Variants in ZNF479 observed in about 807,000 individuals in gnomAD.
ZNF479 encodes KRAB zinc finger protein KR19.
In ZNF479, 15 loss-of-function variants were observed where a neutral mutation model predicts 14.7. The observed-to-expected ratio is 1.02, with a 90% CI of 0.68 to 1.57. The LOEUF is 1.57. Ranked by LOEUF, ZNF479 falls within the 40% of genes most tolerant of loss-of-function variation. The pLI, the probability that ZNF479 is intolerant of heterozygous loss-of-function variation, is 0.00. For missense variants in ZNF479, 506 were observed against 615.1 expected (o/e 0.82, Z 1.88); for synonymous variants, 145 against 211.5 (o/e 0.69, Z 2.73).
At position 57,129,154 on chromosome 7, in the gene ZNF479, T is replaced by G. The variant is rs527997833; in HGVS notation, c.40-2436A>C. Among the ~76,000 whole-genome samples, 5 of 152,302 alleles carry G rather than the reference T, an allele frequency of 3.3e-5. 1 individual carries two copies. Among genetic ancestry groups the G allele is most frequent in the African/African-American group, 1.2e-4 (5 of 41,572 alleles). The stretch of plus-strand genomic sequence containing the variant: ...CCCTATCAGAAACCAACAATTTTCT[T>G]TACAGTAATGGGAGCATGAACCGCA... On this transcript the variant is annotated intron_variant, in intron 1 of 3. Coordinates refer to ENST00000319636, the MANE Select transcript of ZNF479 (RefSeq NM_001370129.2).
intron 1 of ZNF479, among the ~76,000 whole-genome samples, chr7:57,129,453 A>C (rs539628029): frequency 6.6e-6 from 1 of 152,144 alleles, no homozygotes; most frequent in Non-Finnish European, 1.5e-5. Flanking sequence ...CCTTACACAC[A>C]CCACATTTGT....
chr7:57,123,831 A>T (rs1349485800), intron 3 of ZNF479, among the ~76,000 whole-genome samples: 1 of 152,082 alleles, frequency 6.6e-6, no homozygotes, highest in Non-Finnish European at 1.5e-5. Context: ...AGAAAATCTG[A>T]GTCAAAAAAA....
upstream of ZNF479, among the ~76,000 whole-genome samples, chr7:57,136,916 C>G (rs1786675820): frequency 6.6e-6 from 1 of 151,976 alleles, no homozygotes; most frequent in Non-Finnish European, 1.5e-5. Context: ...CCTTCATAAC[C>G]TTAATTAAAG....
rs1785854425 is a variant in ZNF479 at position 57,120,248 on chromosome 7, G to T, written c.1167C>A (p.Asp389Glu). 5.0e-6 allele frequency: 8 copies of T among 1,612,300 alleles called. No individual in the cohort carries two copies. The Admixed American group carries it at 8.4e-5, about 17-fold the overall frequency. The change falls in exon 4 of 4, where the codon GAC (aspartate) becomes GAA (glutamate). Residue 389 changes from aspartate to glutamate, a missense_variant. Transcript: ENST00000319636. Reference sequence around the variant, plus strand: ...TAGTAAGTGCTGAGGAGCGCCTAAAGTCTTGGCCACATTCTTCACATGTGT... The same window carrying T: ...TAGTAAGTGCTGAGGAGCGCCTAAATTCTTGGCCACATTCTTCACATGTGT... ...KPYTCEECGQ[D>E]FRRSSALTIH...
At chr7:57,122,401 A>C (rs1785993065) in intron 3 of ZNF479, among the ~76,000 whole-genome samples, 1 of 150,902 alleles carries the variant, frequency 6.6e-6, no homozygotes, top group Admixed American at 6.7e-5. Flanking sequence ...AGGTCTTTCC[A>C]CTTAAAATAA....
intron 3 of ZNF479, among the ~76,000 whole-genome samples, chr7:57,124,800 T>C (rs1786085558): frequency 6.6e-6 from 1 of 152,090 alleles, no homozygotes; most frequent in African/African-American, 2.4e-5. Flanking sequence ...ATGAGCCAGG[T>C]GCGGTGGCTC....
chr7:57,133,511 A>G (rs1303067287), upstream of ZNF479, among the ~76,000 whole-genome samples: 1 of 152,212 alleles, frequency 6.6e-6, no homozygotes. Flanking sequence ...AATCCTCTGC[A>G]GTAAAATATA....
upstream of ZNF479, among the ~76,000 whole-genome samples, chr7:57,136,944 A>G (rs1337329218): frequency 6.6e-6 from 1 of 151,926 alleles, no homozygotes; most frequent in Non-Finnish European, 1.5e-5. Flanking sequence ...GTTTCAGGAG[A>G]TGGAGGTTGC....
At chr7:57,132,176 C>A in intron 1 of ZNF479, 110 bp downstream of exon 1, 1 of 1,592,182 alleles carries the variant, frequency 6.3e-7, no homozygotes, top group South Asian at 1.1e-5. Context: ...GGATTTGGGT[C>A]GGCAGGCCCT....
At position 57,120,302 on chromosome 7, in the gene ZNF479, A is replaced by G; in HGVS notation, c.1113T>C (p.His371=). ...AFSLSSNLMR[H]RRIHTGEKPY... The stretch of plus-strand genomic sequence containing the variant: ...GTTTCTCTCCAGTATGAATTCTCCT[A>G]TGTCTCATAAGGTTCGAGGATAAGC... Residue 371 remains histidine (H), a synonymous_variant, in exon 4 of 4, where the codon CAT becomes CAC. Coordinates refer to ENST00000319636, the MANE Select transcript of ZNF479 (RefSeq NM_001370129.2). 2.5e-6 allele frequency: 4 copies of G among 1,608,538 alleles called. No individual in the cohort carries two copies. Among genetic ancestry groups the G allele is most frequent in the Admixed American group, 1.7e-5 (1 of 59,604 alleles).
intron 1 of ZNF479, among the ~76,000 whole-genome samples, chr7:57,131,328 T>C (rs1026462555): frequency 2.0e-5 from 3 of 152,032 alleles, no homozygotes; most frequent in African/African-American, 4.8e-5. Context: ...ATTGGGAGGC[T>C]GAGGCAGGCA....
At chr7:57,136,538 T>A (rs1297794387), upstream of ZNF479, among the ~76,000 whole-genome samples, 1 of 152,234 alleles carries the variant, frequency 6.6e-6, no homozygotes, top group Non-Finnish European at 1.5e-5. Flanking sequence ...GTTTCTACCA[T>A]CTGGCATACA....
chr7:57,127,805 G>A lies in ZNF479; in HGVS notation c.40-1087C>T, dbSNP rs185626080. Among the ~76,000 whole-genome samples the A allele has an allele frequency of 2.4e-4, 37 of 151,990 alleles. No homozygotes were observed. In the East Asian group the frequency reaches 7.0e-3, roughly 29 times the overall value. On this transcript the variant is annotated intron_variant, in intron 1 of 3. Coordinates refer to ENST00000319636, the MANE Select transcript of ZNF479 (RefSeq NM_001370129.2). ...GATCTTGAACCAAGTGAATAAAATTGTTATCAACTTTATTAGGACACATTT... is the reference window on the plus strand; with the variant it reads ...GATCTTGAACCAAGTGAATAAAATTATTATCAACTTTATTAGGACACATTT...
In ZNF479 at chr7:57,120,295, T is replaced by A; in HGVS notation, c.1120A>T (p.Ile374Phe). The change falls in exon 4 of 4, where the codon ATT becomes TTT. Residue 374 changes from isoleucine (I) to phenylalanine (F), a missense_variant. This residue lies in a region of ZNF479 where 420 missense variants were observed against 474.2 expected (regional missense o/e 0.89). Coordinates refer to ENST00000319636, the MANE Select transcript of ZNF479 (RefSeq NM_001370129.2). ...GTGTAGGGTTTCTCTCCAGTATGAA[T>A]TCTCCTATGTCTCATAAGGTTCGAG... Reference protein sequence around the residue: ...LSSNLMRHRRIHTGEKPYTCE... With the variant: ...LSSNLMRHRRFHTGEKPYTCE... 6.2e-7 allele frequency: 1 copy of A among 1,609,624 alleles called. No homozygotes were observed. Among genetic ancestry groups the A allele is most frequent in the Non-Finnish European group, 8.5e-7 (1 of 1,177,196 alleles).
At chr7:57,129,176 C>A (rs553460028) in intron 1 of ZNF479, among the ~76,000 whole-genome samples, 3 of 152,254 alleles carry the variant, frequency 2.0e-5, no homozygotes, top group African/African-American at 7.2e-5. Flanking sequence ...GAGCATGAAC[C>A]GCACTGACCT....
chr7:57,134,588 T>C (rs1786562051), upstream of ZNF479, among the ~76,000 whole-genome samples: 2 of 152,222 alleles, frequency 1.3e-5, no homozygotes, highest in South Asian at 4.1e-4. Flanking sequence ...AGAGTAGCTA[T>C]TCTTTTATTC....
intron 1 of ZNF479, among the ~76,000 whole-genome samples, chr7:57,129,752 G>A (rs1177171955): frequency 1.3e-5 from 2 of 152,074 alleles, no homozygotes; most frequent in Non-Finnish European, 2.9e-5. Flanking sequence ...TTAGCATTTG[G>A]ATTAAGAGCA....
chr7:57,127,047 G>A (rs59106311), intron 1 of ZNF479, among the ~76,000 whole-genome samples: 39,275 of 136,366 alleles, frequency 0.29, 6,394 homozygotes, highest in East Asian at 0.53. Flanking sequence ...TTTTGAGACC[G>A]AGTCTCACTC....
chr7:57,138,816 G>A (rs1165794302), intron 1 of ZNF479, among the ~76,000 whole-genome samples: 1 of 152,174 alleles, frequency 6.6e-6, no homozygotes, highest in African/African-American at 2.4e-5. Context: ...TATATAGGGA[G>A]AGAGCAAAAT....
Sources: allele counts gnomAD v4.1 joint callset (sites outside exome capture counted in the v4.1 genomes callset), GRCh38; gene constraint gnomAD v4.1.1; regional missense constraint gnomAD v4.1.1; transcripts MANE v1.5; gene names NCBI Gene and HGNC (gene_info 2026-07-23, HGNC 2026-07-21).